The following CD226 variants were observed in gnomAD, a reference collection of about 807,000 sequenced individuals.
CD226 encodes CD226 molecule.
CD226 carries 24 observed loss-of-function variants against 34.9 expected under a neutral mutation model. The observed-to-expected ratio is 0.69, with a 90% confidence interval of 0.50 to 0.97. The LOEUF is 0.97. Ranked by LOEUF, CD226 falls within the 50% of genes least tolerant of loss-of-function variation. The probability of loss-of-function intolerance (pLI) is 0.00; values close to 1 mark genes in which losing one functional copy is unlikely to be tolerated. For synonymous variants in CD226, 148 were observed against 147.4 expected (o/e 1.00, Z -0.03); for missense variants, 397 against 412.7 (o/e 0.96, Z 0.33).
At chr18:69,958,788 AACACACAC>A (rs59835947), upstream of CD226, among the ~76,000 whole-genome samples, 11,918 of 143,666 alleles carry the variant, frequency 0.083, 567 homozygotes, top group East Asian at 0.14. Context: ...TTCACAGGCA[AACACACAC>A]ACACACACAC....
At chr18:69,951,536 A>C (rs1006525209), upstream of CD226, among the ~76,000 whole-genome samples, 1 of 151,140 alleles carries the variant, frequency 6.6e-6, no homozygotes, top group Non-Finnish European at 1.5e-5. Flanking sequence ...GACAGAATGA[A>C]TGTGGGGCTC....
At position 69,934,115 on chromosome 18, in the gene CD226, T is replaced by A. The variant is rs575295738; in HGVS notation, c.382+12619A>T. On this transcript the variant is annotated intron_variant, in intron 2 of 5. Coordinates refer to ENST00000582621, the MANE Select transcript of CD226 (RefSeq NM_001303618.2). Reference sequence around the variant, plus strand: ...CAATACAACAACTGAATTCTTTGGCTGTTTCTCACATGAAAAAGGTATACA... The same window carrying A: ...CAATACAACAACTGAATTCTTTGGCAGTTTCTCACATGAAAAAGGTATACA... 2.0e-5 allele frequency among the ~76,000 whole-genome samples: 3 copies of A among 152,346 alleles called. No homozygotes were observed. The South Asian group carries it at 6.2e-4, about 32-fold the overall frequency.
intron 1 of CD226, 36 bp from the exon 2 acceptor site, chr18:69,947,105 G>T (rs2055803594): frequency 6.6e-7 from 1 of 1,520,180 alleles, no homozygotes; most frequent in Non-Finnish European, 9.1e-7. Flanking sequence ...TGTTAGCCTT[G>T]ATGATGGAAA....
intron 2 of CD226, among the ~76,000 whole-genome samples, chr18:69,902,886 G>A (rs2055205428): frequency 6.6e-6 from 1 of 152,036 alleles, no homozygotes; most frequent in Non-Finnish European, 1.5e-5. Context: ...ATTCCCAACT[G>A]TGCCTAGACT....
rs1982872829 is a variant in CD226 at position 69,862,343 on chromosome 18, T to G, written c.*1971A>C. The G allele has an allele frequency of 6.6e-6, 1 of 152,172 alleles. No individual in the cohort carries two copies. Among genetic ancestry groups the G allele is most frequent in the South Asian group, 2.1e-4 (1 of 4,838 alleles). 9.4% of individuals were successfully genotyped at this position (152,172 alleles called of 1,614,324 possible). On this transcript the variant is annotated 3_prime_UTR_variant, in exon 6 of 6. Transcript: ENST00000582621. ...TGTCTTTACCATTCAGAAAAGAAAT[T>G]ATTTACCTTTTAATTGATGCTAAGC...
chr18:69,873,142 A>C lies in CD226; in HGVS notation c.830+2T>G, dbSNP rs1983640095. 3 of 1,509,012 alleles carry C rather than the reference A, an allele frequency of 2.0e-6. No homozygotes were observed. In the African/African-American group the frequency reaches 4.1e-5, roughly 21 times the overall value. 93.5% of individuals were successfully genotyped at this position (1,509,012 alleles called of 1,614,324 possible). On this transcript the variant is annotated splice_donor_variant, in intron 4 of 5. Transcript: ENST00000582621. LOFTEE classifies it high-confidence loss of function. ...AGATTCAGCATAAGTTGCACTACTC[A>C]CCTGTTAAGGAAAATGACAATGATG...
chr18:69,873,965 T>C (rs1218169078), intron 3 of CD226, among the ~76,000 whole-genome samples: 2 of 152,156 alleles, frequency 1.3e-5, no homozygotes, highest in Non-Finnish European at 2.9e-5. Flanking sequence ...CTGATGTTTA[T>C]AAGTATAATT....
chr18:69,861,544 ATATATATATG>A lies in CD226; in HGVS notation c.*2760_*2769del, dbSNP rs990379132. ...ATCCATCGATATAAATTATATGTGT[ATATATATATG>A]TATATATATATATATATATGTAAAA... On this transcript the variant is annotated 3_prime_UTR_variant, in exon 6 of 6. Transcript: ENST00000582621. 12 of 93,634 alleles carry A rather than the reference ATATATATATG, an allele frequency of 1.3e-4. No homozygotes were observed. The highest frequency in any genetic ancestry group is 4.8e-4 in the African/African-American group (12 of 25,096). The allele number at this position is 93,634 out of a possible 1,614,324, so 5.8% of individuals were successfully genotyped here.
At position 69,864,262 on chromosome 18, in the gene CD226, C is replaced by A; in HGVS notation, c.*52G>T. The stretch of plus-strand genomic sequence containing the variant: ...AGTGGAAAAAAATTGCATAAAGATC[C>A]ATGCATGAGTACATAAGAGTCATTA... On this transcript the variant is annotated 3_prime_UTR_variant, in exon 6 of 6. Coordinates refer to ENST00000582621, the MANE Select transcript of CD226 (RefSeq NM_001303618.2). 1 of 1,578,714 alleles carries A rather than the reference C, an allele frequency of 6.3e-7. No individual in the cohort carries two copies. The highest frequency in any genetic ancestry group is 8.7e-7 in the Non-Finnish European group (1 of 1,154,464).
At chr18:69,902,767 T>C (rs1043507827) in intron 2 of CD226, among the ~76,000 whole-genome samples, 3 of 151,908 alleles carry the variant, frequency 2.0e-5, no homozygotes, top group African/African-American at 4.8e-5. Context: ...ATGCTTCAAA[T>C]AGACTAAAAA....
intron 2 of CD226, among the ~76,000 whole-genome samples, chr18:69,921,187 G>C (rs1459654735): frequency 6.6e-6 from 1 of 151,958 alleles, no homozygotes; most frequent in African/African-American, 2.4e-5. Context: ...CTCTCTCTAA[G>C]CCTCCTTCTC....
intron 2 of CD226, among the ~76,000 whole-genome samples, chr18:69,915,148 G>C (rs184783167): frequency 6.7e-4 from 102 of 152,274 alleles, no homozygotes; most frequent in Admixed American, 1.9e-3. Context: ...TGGTTAAGGA[G>C]ACTTATAAAG....
At chr18:69,942,460 A>AATT (rs1197548394) in intron 2 of CD226, among the ~76,000 whole-genome samples, 1 of 152,202 alleles carries the variant, frequency 6.6e-6, no homozygotes, top group Non-Finnish European at 1.5e-5. Context: ...TGTCTCTCTA[A>AATT]AAACTAGTCA....
intron 2 of CD226, among the ~76,000 whole-genome samples, chr18:69,923,318 G>C (rs1044128032): frequency 6.6e-6 from 1 of 152,140 alleles, no homozygotes; most frequent in Admixed American, 6.5e-5. Context: ...GGCAAGTGTC[G>C]TGTTGCAGGA....
rs867568033 is a variant in CD226, at chr18:69,858,251, G to A, written c.*6063C>T. ...CTGGAATAAACTCAGGTATTACACA[G>A]GGCCTTGAAACATTTATAAAAGGGT... On this transcript the variant is annotated 3_prime_UTR_variant, in exon 6 of 6. Transcript: ENST00000582621. 6.6e-6 allele frequency: 1 copy of A among 152,104 alleles called. No homozygotes were observed. Among genetic ancestry groups the A allele is most frequent in the Admixed American group, 6.5e-5 (1 of 15,274 alleles). The allele number at this position is 152,104 out of a possible 1,614,324, so 9.4% of individuals were successfully genotyped here. A position where few individuals can be genotyped will look rare whatever the true frequency, so the allele number is the denominator to read the frequency against.
At chr18:69,874,343 C>T (rs1568160642) in intron 3 of CD226, among the ~76,000 whole-genome samples, 1 of 152,206 alleles carries the variant, frequency 6.6e-6, no homozygotes, top group Non-Finnish European at 1.5e-5. Flanking sequence ...CACAACACAC[C>T]TCTCACCCTT....
chr18:69,927,156 G>A (rs1203425082), intron 2 of CD226, among the ~76,000 whole-genome samples: 1 of 152,048 alleles, frequency 6.6e-6, no homozygotes, highest in Non-Finnish European at 1.5e-5. Flanking sequence ...ATGTTGAAGG[G>A]AGCTGCTTTG....
At chr18:69,889,149 T>C (rs1249954572) in intron 3 of CD226, among the ~76,000 whole-genome samples, 1 of 152,048 alleles carries the variant, frequency 6.6e-6, no homozygotes, top group East Asian at 1.9e-4. Context: ...CTGGAAACTA[T>C]GTTTCATCTG....
chr18:69,871,860 GA>G (rs1983542762), intron 4 of CD226, among the ~76,000 whole-genome samples: 1 of 152,108 alleles, frequency 6.6e-6, no homozygotes, highest in Non-Finnish European at 1.5e-5. Context: ...CAAAGATATT[GA>G]ACAGGAAGAT....
Sources: allele counts gnomAD v4.1 joint callset (sites outside exome capture counted in the v4.1 genomes callset), GRCh38; gene constraint gnomAD v4.1.1; transcripts MANE v1.5; gene names NCBI Gene and HGNC (gene_info 2026-07-23, HGNC 2026-07-21).